RBFOX1: variants seen among roughly 807,000 people sequenced by gnomAD.
RBFOX1 encodes RNA binding protein fox-1 homolog 1.
In RBFOX1, 8 loss-of-function variants were observed where a neutral mutation model predicts 57.7. The observed-to-expected ratio is 0.14, with a 90% CI of 0.08 to 0.25. The LOEUF is 0.25. Among genes scored for constraint, RBFOX1 ranks in the 10% least tolerant of loss-of-function variants. The probability of loss-of-function intolerance (pLI) is 1.00; values close to 1 mark genes in which losing one functional copy is unlikely to be tolerated. For missense variants in RBFOX1, 611 were observed against 548.5 expected (o/e 1.11, Z -1.14); for synonymous variants, 326 against 222.4 (o/e 1.47, Z -4.15).
intron 2 of RBFOX1, among the ~76,000 whole-genome samples, chr16:6,632,090 G>C (rs1040304352): frequency 2.6e-5 from 4 of 152,244 alleles, no homozygotes; most frequent in African/African-American, 9.6e-5. Context: ...GAGGTGCTGG[G>C]TTTGGTTTCT....
chr16:6,823,694 A>G (rs575828588), intron 3 of RBFOX1, among the ~76,000 whole-genome samples: 2 of 151,900 alleles, frequency 1.3e-5, no homozygotes, highest in African/African-American at 2.4e-5. Flanking sequence ...TCCCTTTTTC[A>G]TTCATTTGTT....
chr16:7,546,356 AATAAAATAAAATAAAATAAAATAAT>A (rs1304878941), intron 5 of RBFOX1, among the ~76,000 whole-genome samples: 1 of 8,522 alleles, frequency 1.2e-4, no homozygotes, highest in Non-Finnish European at 1.0e-3. Context: ...AATAAAATAA[AATAAAATAAAATAAAATAAAATAAT>A]AAAATAAAAT....
intron 4 of RBFOX1, among the ~76,000 whole-genome samples, chr16:7,065,523 C>T (rs1274328711): frequency 2.6e-5 from 4 of 152,126 alleles, no homozygotes; most frequent in South Asian, 2.1e-4. Context: ...TACCATTTTT[C>T]TAAAATTGAC....
At chr16:5,502,574 A>G (rs954249521) in intron 2 of RBFOX1, among the ~76,000 whole-genome samples, 18 of 152,206 alleles carry the variant, frequency 1.2e-4, no homozygotes, top group African/African-American at 4.1e-4. Context: ...GACAAAGTCC[A>G]TCTTTGCAGG....
chr16:6,705,092 C>G (rs896588586), intron 3 of RBFOX1: 5 of 152,080 alleles, frequency 3.3e-5, no homozygotes, highest in African/African-American at 7.2e-5. Flanking sequence ...TGAGGCAGCA[C>G]CAGGACCCTG....
intron 2 of RBFOX1, among the ~76,000 whole-genome samples, chr16:6,472,436 A>C (rs1462184836): frequency 6.6e-6 from 1 of 152,094 alleles, no homozygotes; most frequent in East Asian, 1.9e-4. Flanking sequence ...CTATTTCTGC[A>C]CTTGGCCCAA....
chr16:6,944,230 A>T (rs540776103), intron 3 of RBFOX1, among the ~76,000 whole-genome samples: 1 of 151,886 alleles, frequency 6.6e-6, no homozygotes, highest in Non-Finnish European at 1.5e-5. Context: ...CCCTTTCTCT[A>T]CTAAAAATAC....
intron 3 of RBFOX1, among the ~76,000 whole-genome samples, chr16:6,741,100 C>G (rs1350945230): frequency 1.3e-5 from 2 of 151,990 alleles, no homozygotes; most frequent in Non-Finnish European, 2.9e-5. Context: ...GCCAGTAATG[C>G]AAAAGCAATT....
intron 3 of RBFOX1, among the ~76,000 whole-genome samples, chr16:5,679,134 G>C (rs936838937): frequency 6.6e-6 from 1 of 152,188 alleles, no homozygotes; most frequent in East Asian, 1.9e-4. Context: ...TTGGCAAAGA[G>C]AAACCAGGCA....
chr16:6,273,533 G>A (rs2075456059), intron 1 of RBFOX1, among the ~76,000 whole-genome samples: 1 of 151,560 alleles, frequency 6.6e-6, no homozygotes, highest in East Asian at 2.0e-4. Context: ...TTTTAGTAGA[G>A]ATGGGCTTCT....
intron 3 of RBFOX1, among the ~76,000 whole-genome samples, chr16:6,744,027 T>G (rs1020464580): frequency 6.6e-6 from 1 of 151,992 alleles, no homozygotes; most frequent in African/African-American, 2.4e-5. Context: ...GTGTATTTCT[T>G]TCCTTTAAAA....
At chr16:6,392,765 C>A (rs1001036847) in intron 2 of RBFOX1, among the ~76,000 whole-genome samples, 1 of 152,280 alleles carries the variant, frequency 6.6e-6, no homozygotes, top group East Asian at 1.9e-4. Context: ...CCTTCCTTTG[C>A]AGGAATTAAA....
intron 2 of RBFOX1, among the ~76,000 whole-genome samples, chr16:6,613,958 G>A (rs939344221): frequency 1.3e-5 from 2 of 152,132 alleles, no homozygotes; most frequent in Non-Finnish European, 2.9e-5. Context: ...AAAGAAAAAA[G>A]AAGATAGATT....
At chr16:6,515,551 T>C (rs2096359530) in intron 2 of RBFOX1, among the ~76,000 whole-genome samples, 1 of 152,230 alleles carries the variant, frequency 6.6e-6, no homozygotes. Context: ...CAGACATTTA[T>C]GAACCTCTGT....
At chr16:5,935,626 T>C (rs1029442038) in intron 4 of RBFOX1, among the ~76,000 whole-genome samples, 1 of 152,180 alleles carries the variant, frequency 6.6e-6, no homozygotes, top group African/African-American at 2.4e-5. Flanking sequence ...ACACAGGACT[T>C]GTTTCTAGTC....
At chr16:6,804,875 G>T (rs1033259227) in intron 3 of RBFOX1, among the ~76,000 whole-genome samples, 1 of 152,098 alleles carries the variant, frequency 6.6e-6, no homozygotes, top group African/African-American at 2.4e-5. Context: ...TCTTAAAAAG[G>T]CCATGTGTCC....
intron 4 of RBFOX1, among the ~76,000 whole-genome samples, chr16:5,978,972 C>T (rs1201870251): frequency 6.6e-6 from 1 of 152,174 alleles, no homozygotes; most frequent in Non-Finnish European, 1.5e-5. Context: ...TTCTTTGTTA[C>T]TAAATTAATG....
rs8048217 is a variant in RBFOX1 at position 7,265,558 on chromosome 16, C to G, written c.27+213460C>G. Among the ~76,000 whole-genome samples the G allele has an allele frequency of 3.3e-5, 5 of 152,002 alleles. No individual in the cohort carries two copies. The South Asian group carries it at 8.3e-4, about 25-fold the overall frequency. On this transcript the variant is annotated intron_variant, in intron 4 of 15. Coordinates refer to ENST00000550418, the MANE Select transcript of RBFOX1 (RefSeq NM_018723.4). ...CCGCCTCCCGTGTTGAAGCGATTCT[C>G]CTGCCTCAGCCTCCCGAGTAGCTAG...
chr16:6,054,394 A>G (rs955495306), intron 1 of RBFOX1, among the ~76,000 whole-genome samples: 1 of 152,198 alleles, frequency 6.6e-6, no homozygotes, highest in Non-Finnish European at 1.5e-5. Flanking sequence ...TTAAGTATCA[A>G]CCATTGATTT....
Sources: allele counts gnomAD v4.1 joint callset (sites outside exome capture counted in the v4.1 genomes callset), GRCh38; gene constraint gnomAD v4.1.1; transcripts MANE v1.5; gene names NCBI Gene and HGNC (gene_info 2026-07-23, HGNC 2026-07-21).